The following CDH13 variants were observed in gnomAD, a reference collection of about 807,000 sequenced individuals.
CDH13 encodes the protein cadherin-13.
Under a neutral mutation model 63.8 loss-of-function variants are expected in CDH13, and 24 were observed. The ratio of observed to expected loss-of-function variants is 0.38; its 90% confidence interval spans 0.27 to 0.53. The LOEUF (loss-of-function observed/expected upper bound fraction) is 0.53, where lower values mean the gene tolerates loss of function less well. Among genes scored for constraint, CDH13 ranks in the 20% least tolerant of loss-of-function variants. The pLI is 0.85. For synonymous variants in CDH13, 503 were observed against 355.3 expected, an observed-to-expected ratio of 1.42 and a Z score of -4.67; for missense variants, 1,049 against 903.1, an observed-to-expected ratio of 1.16 and a Z score of -2.07.
intron 5 of CDH13, among the ~76,000 whole-genome samples, chr16:83,271,283 G>C (rs567873693): frequency 2.0e-5 from 3 of 151,594 alleles, no homozygotes; most frequent in African/African-American, 7.3e-5. Context: ...TGTATTTCCA[G>C]TAATGTGGGT....
chr16:83,758,550 G>T (rs1169588888), intron 11 of CDH13, among the ~76,000 whole-genome samples: 1 of 152,108 alleles, frequency 6.6e-6, no homozygotes, highest in African/African-American at 2.4e-5. Context: ...CTCAGTCCCA[G>T]CCAGAGCGAG....
At chr16:82,800,617 A>T (rs765770762) in intron 1 of CDH13, among the ~76,000 whole-genome samples, 1 of 152,338 alleles carries the variant, frequency 6.6e-6, no homozygotes, top group Non-Finnish European at 1.5e-5. Flanking sequence ...TCTTCTAAAT[A>T]ATGGGTCCTG....
At chr16:83,525,736 G>A (rs1378877545) in intron 7 of CDH13, among the ~76,000 whole-genome samples, 3 of 152,182 alleles carry the variant, frequency 2.0e-5, no homozygotes, top group South Asian at 2.1e-4. Flanking sequence ...ATGATTCTGA[G>A]TTATCTTGGT....
chr16:83,114,397 T>C (rs2035201915), intron 3 of CDH13, among the ~76,000 whole-genome samples: 1 of 152,114 alleles, frequency 6.6e-6, no homozygotes, highest in Admixed American at 6.5e-5. Flanking sequence ...TTCTCCCGTA[T>C]GGGGGTGCTT....
chr16:83,761,594 G>A (rs567069256), intron 11 of CDH13, among the ~76,000 whole-genome samples: 1 of 152,222 alleles, frequency 6.6e-6, no homozygotes, highest in African/African-American at 2.4e-5. Context: ...AACGCTATTT[G>A]AACAGTTGGC....
intron 1 of CDH13, among the ~76,000 whole-genome samples, chr16:82,656,885 GT>G: frequency 6.9e-6 from 1 of 145,770 alleles, no homozygotes; most frequent in Non-Finnish European, 1.5e-5. Flanking sequence ...ATGCATTGAA[GT>G]TTCCTCCATG....
At chr16:82,819,884 A>G (rs151011715) in intron 1 of CDH13, among the ~76,000 whole-genome samples, 2 of 152,316 alleles carry the variant, frequency 1.3e-5, no homozygotes, top group African/African-American at 2.4e-5. Flanking sequence ...AAGGTGATAT[A>G]TGCAATGGGA....
intron 7 of CDH13, among the ~76,000 whole-genome samples, chr16:83,575,066 A>T (rs904592770): frequency 5.3e-5 from 8 of 152,238 alleles, no homozygotes; most frequent in Non-Finnish European, 7.3e-5. Flanking sequence ...TTGGCCATAA[A>T]AATGAACGAA....
At position 83,602,107 on chromosome 16, in the gene CDH13, C is replaced by CAAAAAAAAAAA. The variant is rs869202510; in HGVS notation, c.961-321_961-311dup. 7.5e-4 allele frequency among the ~76,000 whole-genome samples: 6 copies of CAAAAAAAAAAA among 7,958 alleles called. 1 individual carries two copies. The highest frequency in any genetic ancestry group is 1.1e-3 in the Non-Finnish European group (6 of 5,366). The allele number at this position is 7,958 out of a possible 152,430, so 5.2% of individuals were successfully genotyped here. ...CAAAAAAAAAAAAAAAGAACAACAA[C>CAAAAAAAAAAA]AAAAAAAAAAAAAAAAAAAAAAAAA... On this transcript the variant is annotated intron_variant, in intron 7 of 13. Transcript: ENST00000567109.
chr16:82,715,769 T>G (rs16958338), intron 1 of CDH13, among the ~76,000 whole-genome samples: 28,098 of 152,034 alleles, frequency 0.18, 2,671 homozygotes, highest in East Asian at 0.29. Flanking sequence ...GAAGCAGCGA[T>G]GATGGGGTTT....
chr16:83,556,214 A>G (rs946738326), intron 7 of CDH13, among the ~76,000 whole-genome samples: 4 of 152,216 alleles, frequency 2.6e-5, no homozygotes, highest in Non-Finnish European at 4.4e-5. Context: ...ATAAACTATC[A>G]TTTTTAATTA....
At chr16:83,572,869 C>T (rs1451133333) in intron 7 of CDH13, among the ~76,000 whole-genome samples, 6 of 152,118 alleles carry the variant, frequency 3.9e-5, no homozygotes, top group African/African-American at 7.2e-5. Flanking sequence ...GGGAAAGTTA[C>T]GCCTTTTGTT....
intron 1 of CDH13, 47 bp downstream of exon 1, chr16:82,627,184 T>C: frequency 6.5e-7 from 1 of 1,536,708 alleles, no homozygotes; most frequent in Non-Finnish European, 8.9e-7. Context: ...CGTTTCTGCA[T>C]TCGGATCGCC....
chr16:83,200,921 ATGTGTGTGTGTGTGTGTGTGTG>A (rs374017580), intron 4 of CDH13, among the ~76,000 whole-genome samples: 26 of 129,752 alleles, frequency 2.0e-4, no homozygotes, highest in East Asian at 1.7e-3. Flanking sequence ...AGTCTTAAAA[ATGTGTGTGTGTGTGTGTGTGTG>A]TGTGTGTGTG....
intron 5 of CDH13, among the ~76,000 whole-genome samples, chr16:83,236,992 A>C (rs1176905380): frequency 6.6e-6 from 1 of 152,128 alleles, no homozygotes; most frequent in Non-Finnish European, 1.5e-5. Flanking sequence ...AAAAGAGGTA[A>C]GGGAGGCCAG....
chr16:83,236,905 A>G (rs2040161184), intron 5 of CDH13, among the ~76,000 whole-genome samples: 1 of 152,046 alleles, frequency 6.6e-6, no homozygotes, highest in Non-Finnish European at 1.5e-5. Flanking sequence ...GTTCTACAAC[A>G]TCATGAGTAC....
chr16:82,878,478 C>G (rs1369972704), intron 2 of CDH13, among the ~76,000 whole-genome samples: 1 of 136,000 alleles, frequency 7.4e-6, no homozygotes, highest in Non-Finnish European at 1.6e-5. Context: ...GTAAGGTTGT[C>G]TCTGTTACTT....
At chr16:83,165,441 G>A (rs1397791135) in intron 4 of CDH13, among the ~76,000 whole-genome samples, 1 of 152,048 alleles carries the variant, frequency 6.6e-6, no homozygotes, top group East Asian at 1.9e-4. Flanking sequence ...TTTTTATTAT[G>A]CAAAACCTAT....
intron 7 of CDH13, among the ~76,000 whole-genome samples, chr16:83,504,691 A>G (rs143215106): frequency 2.6e-5 from 4 of 152,306 alleles, no homozygotes; most frequent in African/African-American, 9.6e-5. Context: ...AACACTAGAC[A>G]TCCAGACAGA....
Sources: gnomAD v4.1 joint callset for allele counts (sites outside exome capture counted in the v4.1 genomes callset) on GRCh38, gnomAD v4.1.1 for gene constraint, MANE v1.5 for transcripts, NCBI Gene and HGNC (gene_info 2026-07-23, HGNC 2026-07-21) for gene names.